The following PLCG2 variants were observed in gnomAD, a reference collection of about 807,000 sequenced individuals.
PLCG2 encodes phospholipase C gamma 2.
A neutral mutation model predicts 175.6 loss-of-function variants in PLCG2; 69 were observed. That is an observed-to-expected ratio of 0.39 (90% CI 0.32 to 0.48). The LOEUF is 0.48. PLCG2 is among the 20% of genes least tolerant of loss of function. The probability of loss-of-function intolerance (pLI) is 0.91; values close to 1 mark genes in which losing one functional copy is unlikely to be tolerated. For missense variants in PLCG2, 1,798 were observed against 1,650.9 expected, an observed-to-expected ratio of 1.09 and a Z score of -1.54; for synonymous variants, 827 against 624.0, an observed-to-expected ratio of 1.33 and a Z score of -4.85.
chr16:81,778,477 A>G (rs1910558147), upstream of PLCG2, among the ~76,000 whole-genome samples: 2 of 152,206 alleles, frequency 1.3e-5, no homozygotes, highest in South Asian at 4.1e-4. Flanking sequence ...AGATACCTCC[A>G]TCAAAGAGCA....
intron 1 of PLCG2, chr16:81,739,829 T>G (rs2143037784): frequency 6.6e-6 from 1 of 152,162 alleles, no homozygotes; most frequent in African/African-American, 2.4e-5. Context: ...ATGAAATGAA[T>G]TAGTAAGTGC....
intron 5 of PLCG2, among the ~76,000 whole-genome samples, chr16:81,866,641 C>A (rs1452443741): frequency 8.8e-6 from 1 of 114,020 alleles, no homozygotes. Flanking sequence ...TCCCTTGCTC[C>A]CAGGATGAGC....
chr16:81,807,574 G>A (rs1904286926), intron 2 of PLCG2, among the ~76,000 whole-genome samples: 1 of 152,152 alleles, frequency 6.6e-6, no homozygotes. Context: ...AGCTTTCCCT[G>A]TATTATTGCT....
At chr16:81,770,968 G>T (rs931133829) in intron 2 of PLCG2, among the ~76,000 whole-genome samples, 6 of 151,752 alleles carry the variant, frequency 4.0e-5, no homozygotes, top group South Asian at 4.2e-4. Flanking sequence ...TGAGGCAGGA[G>T]AATGGTGTGA....
chr16:81,858,981 C>A (rs1358125828), intron 4 of PLCG2, 135 bp from the exon 5 acceptor site: 2 of 568,092 alleles, frequency 3.5e-6, no homozygotes, highest in African/African-American at 1.9e-5. Flanking sequence ...TCCCAAGCTG[C>A]CCTTGTTAGA....
Position 81,916,256 on chromosome 16 carries a change from ATTTT to A in PLCG2, c.2055-3221_2055-3218del, listed in dbSNP as rs201247651. Among the ~76,000 whole-genome samples the A allele has an allele frequency of 2.0e-5, 3 of 150,056 alleles. No individual in the cohort carries two copies. The East Asian group carries it at 5.8e-4, about 29-fold the overall frequency. On this transcript the variant is annotated intron_variant, in intron 19 of 32. Transcript: ENST00000564138. ...TTGACGAAATCGCTTAAAGCAATAT[ATTTT>A]TTTTTTCAAAAGACTGGAAATCCTT... is the stretch of plus-strand genomic sequence containing the variant.
chr16:81,897,317 C>G (rs1164875810), intron 13 of PLCG2, among the ~76,000 whole-genome samples: 1 of 152,208 alleles, frequency 6.6e-6, no homozygotes, highest in African/African-American at 2.4e-5. Context: ...GTCCTTCTCG[C>G]TGAGTTTGAA....
chr16:81,805,088 C>A (rs1911932702), intron 2 of PLCG2, among the ~76,000 whole-genome samples: 1 of 152,190 alleles, frequency 6.6e-6, no homozygotes, highest in Non-Finnish European at 1.5e-5. Context: ...CCCCAATCAC[C>A]ATGTGCCAGA....
chr16:81,915,956 A>G (rs969810366), intron 19 of PLCG2, among the ~76,000 whole-genome samples: 12 of 152,224 alleles, frequency 7.9e-5, no homozygotes, highest in African/African-American at 2.9e-4. Flanking sequence ...TAGAAAGCAC[A>G]GTTTTCTAGC....
chr16:81,876,798 C>T (rs564009949), intron 7 of PLCG2, among the ~76,000 whole-genome samples: 3 of 152,288 alleles, frequency 2.0e-5, no homozygotes, highest in African/African-American at 7.2e-5. Flanking sequence ...AGAATCTGAC[C>T]ACATAACCCT....
chr16:81,805,755 G>GTGTTTTGTTT lies in PLCG2; in HGVS notation c.193+19580_193+19589dup, dbSNP rs1159978375. Among the ~76,000 whole-genome samples the GTGTTTTGTTT allele has an allele frequency of 1.1e-4, 12 of 105,656 alleles. 1 individual carries two copies. The highest frequency in any genetic ancestry group is 1.7e-4 in the Non-Finnish European group (9 of 54,208). 69.3% of individuals were successfully genotyped at this position (105,656 alleles called of 152,430 possible). A position where few individuals can be genotyped will look rare whatever the true frequency, so the allele number is the denominator to read the frequency against. ...GTCACCAATACCAGCCATGAGAGTAGTGTTTTGTTTTGTTTTTTTTTTTTT... is the reference window on the plus strand; with the variant it reads ...GTCACCAATACCAGCCATGAGAGTAGTGTTTTGTTTTGTTTTGTTTTGTTTTTTTTTTTTT... On this transcript the variant is annotated intron_variant, in intron 2 of 32. Coordinates refer to ENST00000564138, the MANE Select transcript of PLCG2 (RefSeq NM_002661.5).
chr16:81,859,386 G>T (rs902342024), intron 5 of PLCG2: 93 of 508,366 alleles, frequency 1.8e-4, no homozygotes, highest in African/African-American at 1.6e-3. Flanking sequence ...CCTCAGAGAT[G>T]ATCTCTGCCA....
chr16:81,804,601 A>G (rs1911907323), intron 2 of PLCG2, among the ~76,000 whole-genome samples: 1 of 152,202 alleles, frequency 6.6e-6, no homozygotes, highest in South Asian at 2.1e-4. Flanking sequence ...AACCTGTCTT[A>G]GTTCCCTCAG....
chr16:81,756,600 GGT>G (rs982773769), intron 2 of PLCG2, among the ~76,000 whole-genome samples: 14 of 152,142 alleles, frequency 9.2e-5, no homozygotes, highest in African/African-American at 3.4e-4. Context: ...GCACAGAGGT[GGT>G]GGGGGAAAGA....
chr16:81,786,073 G>C lies in PLCG2; in HGVS notation c.84G>C (p.Met28Ile). ...IKRALELGTV[M>I]TVFSFRKSTP... is the part of the protein sequence containing the mutation. The stretch of plus-strand genomic sequence containing the variant: ...GAGCCCTGGAGCTGGGGACGGTGAT[G>C]ACTGTGTTCAGCTTCCGCAAGTCCA... The change falls in exon 2 of 33, where the codon ATG (methionine) becomes ATC (isoleucine). Residue 28 changes from methionine (M) to isoleucine (I), a missense_variant. Coordinates refer to ENST00000564138, the MANE Select transcript of PLCG2 (RefSeq NM_002661.5). 1 of 1,614,194 alleles carries C rather than the reference G, an allele frequency of 6.2e-7. No individual in the cohort carries two copies. The highest frequency in any genetic ancestry group is 8.5e-7 in the Non-Finnish European group (1 of 1,180,014).
intron 1 of PLCG2, chr16:81,783,161 C>A (rs996820034): frequency 2.0e-6 from 1 of 488,154 alleles, no homozygotes; most frequent in African/African-American, 1.9e-5. Context: ...GCTTGTGTTT[C>A]CTACTTATGT....
intron 9 of PLCG2, among the ~76,000 whole-genome samples, chr16:81,886,156 T>C (rs899511112): frequency 6.6e-6 from 1 of 152,184 alleles, no homozygotes; most frequent in Non-Finnish European, 1.5e-5. Context: ...CACCACCTGG[T>C]AGGGAGACTG....
rs193291307 is a variant in PLCG2, at chr16:81,868,443, A to G, written c.480-771A>G. 1.9e-4 allele frequency among the ~76,000 whole-genome samples: 29 copies of G among 152,286 alleles called. No individual in the cohort carries two copies. In the East Asian group the frequency reaches 5.4e-3, roughly 28 times the overall value. On this transcript the variant is annotated intron_variant, in intron 5 of 32. Coordinates refer to ENST00000564138, the MANE Select transcript of PLCG2 (RefSeq NM_002661.5). The stretch of plus-strand genomic sequence containing the variant: ...ATCCCTCTTGTCTCTTCACAGTGTC[A>G]GACTAGAGTCAAATTCAGCTGGGTC...
At chr16:81,914,623 G>A (rs1426017519) in intron 19 of PLCG2, among the ~76,000 whole-genome samples, 4 of 152,106 alleles carry the variant, frequency 2.6e-5, no homozygotes, top group East Asian at 1.9e-4. Context: ...ACTGTGTGCC[G>A]GGCCCTGTGC....
Sources: gnomAD v4.1 joint callset for allele counts (sites outside exome capture counted in the v4.1 genomes callset) on GRCh38, gnomAD v4.1.1 for gene constraint, MANE v1.5 for transcripts, NCBI Gene and HGNC (gene_info 2026-07-23, HGNC 2026-07-21) for gene names.